ZC3H14: variants seen among roughly 807,000 people sequenced by gnomAD.
ZC3H14 encodes the protein zinc finger CCCH-type containing 14, also known as zinc finger CCCH domain-containing protein 14.
A neutral mutation model predicts 92.4 loss-of-function variants in ZC3H14; 31 were observed. The ratio of observed to expected loss-of-function variants is 0.34; its 90% CI spans 0.25 to 0.45. The LOEUF is 0.45. ZC3H14 is among the 20% of genes least tolerant of loss of function. ZC3H14 has a pLI of 1.00. For missense variants in ZC3H14, 781 were observed against 897.3 expected (o/e 0.87, Z 1.66); for synonymous variants, 321 against 300.9 (o/e 1.07, Z -0.69).
In ZC3H14 at chr14:88,616,844, C is replaced by T. The variant is rs1254365566; in HGVS notation, c.*5093C>T. 2 of 1,613,900 alleles carry T rather than the reference C, an allele frequency of 1.2e-6. No homozygotes were observed. Among genetic ancestry groups the T allele is most frequent in the Admixed American group, 1.7e-5 (1 of 60,022 alleles). On this transcript the variant is annotated 3_prime_UTR_variant, in exon 17 of 17. Coordinates refer to ENST00000251038, the MANE Select transcript of ZC3H14 (RefSeq NM_024824.5). ...GTTGACATCAGCTTTCTCAGCATGT[C>T]TGGACCAGATTCCCAAAACCTCATC...
Position 88,626,710 on chromosome 14 carries a change from G to T in ZC3H14, c.*14959G>T. 1 of 908,348 alleles carries T rather than the reference G, an allele frequency of 1.1e-6. No homozygotes were observed. Among genetic ancestry groups the T allele is most frequent in the Non-Finnish European group, 1.6e-6 (1 of 607,172 alleles). The allele number at this position is 908,348 out of a possible 1,614,324, so 56.3% of individuals were successfully genotyped here. A position where few individuals can be genotyped will look rare whatever the true frequency, so the allele number is the denominator to read the frequency against. The stretch of plus-strand genomic sequence containing the variant: ...TAGATTTTTGAAAGATGAAATATAT[G>T]CTTGACCAGGGCATGTAATGATTAG... On this transcript the variant is annotated 3_prime_UTR_variant, in exon 17 of 17. Coordinates refer to ENST00000251038, the MANE Select transcript of ZC3H14 (RefSeq NM_024824.5).
chr14:88,600,838 A>G (rs1377489972), intron 10 of ZC3H14, among the ~76,000 whole-genome samples: 2 of 152,064 alleles, frequency 1.3e-5, no homozygotes, highest in African/African-American at 4.8e-5. Context: ...CTTCCTTGGT[A>G]TGTACTGCTG....
intron 9 of ZC3H14, among the ~76,000 whole-genome samples, chr14:88,582,963 C>G (rs936990073): frequency 1.3e-5 from 2 of 151,924 alleles, no homozygotes; most frequent in African/African-American, 2.4e-5. Context: ...TTTTTACTAG[C>G]GCACCCACCT....
rs1237947751 is a variant in ZC3H14 at position 88,622,078 on chromosome 14, C to T, written c.*10327C>T. The T allele has an allele frequency of 3.9e-6, 1 of 257,702 alleles. No homozygotes were observed. Among genetic ancestry groups the T allele is most frequent in the African/African-American group, 2.2e-5 (1 of 45,400 alleles). The allele number at this position is 257,702 out of a possible 1,614,324, so 16.0% of individuals were successfully genotyped here. On this transcript the variant is annotated 3_prime_UTR_variant, in exon 17 of 17. Coordinates refer to ENST00000251038, the MANE Select transcript of ZC3H14 (RefSeq NM_024824.5). ...CAGTAACCACTATTCTACTCTCCAC[C>T]TCTGTGGGATCAACTTTTTTAGTTT... is the stretch of plus-strand genomic sequence containing the variant.
chr14:88,594,596 C>G (rs1191297446), intron 9 of ZC3H14: 1 of 1,557,094 alleles, frequency 6.4e-7, no homozygotes, highest in Non-Finnish European at 8.6e-7. Flanking sequence ...GCTCTTAATA[C>G]GTCTTAAGGT....
chr14:88,615,863 AGAG>A lies in ZC3H14; in HGVS notation c.*4113_*4115del. 1 of 1,610,116 alleles carries A rather than the reference AGAG, an allele frequency of 6.2e-7. No homozygotes were observed. Among genetic ancestry groups the A allele is most frequent in the East Asian group, 2.2e-5 (1 of 44,822 alleles). ...ATTTCCAGACAAATAAGCTGCAATC[AGAG>A]AAGAAAATTGCAGGGAGTTAATTAT... On this transcript the variant is annotated 3_prime_UTR_variant, in exon 17 of 17. Coordinates refer to ENST00000251038, the MANE Select transcript of ZC3H14 (RefSeq NM_024824.5).
In ZC3H14 at chr14:88,611,901, A is replaced by AATT; in HGVS notation, c.*151_*153dup. 9.1e-7 allele frequency: 1 copy of AATT among 1,093,086 alleles called. No individual in the cohort carries two copies. Among genetic ancestry groups the AATT allele is most frequent in the Non-Finnish European group, 1.3e-6 (1 of 755,218 alleles). The allele number at this position is 1,093,086 out of a possible 1,614,324, so 67.7% of individuals were successfully genotyped here. ...TATTGCCTATCTATCTGAAGTGTCT[A>AATT]ATTTTTCAAGTTTGTAAGTTTATTA... On this transcript the variant is annotated 3_prime_UTR_variant, in exon 17 of 17. Transcript: ENST00000251038.
Position 88,593,415 on chromosome 14 carries a change from A to G in ZC3H14, c.1280-3319A>G, listed in dbSNP as rs114288480. On this transcript the variant is annotated intron_variant, in intron 9 of 16. Coordinates refer to ENST00000251038, the MANE Select transcript of ZC3H14 (RefSeq NM_024824.5). Reference sequence around the variant, plus strand: ...ATATGGAAATAAAAAGGGACTGAGAATAGCCAAAACTATTGAAAAAGAGTA... The same window carrying G: ...ATATGGAAATAAAAAGGGACTGAGAGTAGCCAAAACTATTGAAAAAGAGTA... Among the ~76,000 whole-genome samples the G allele has an allele frequency of 7.4e-3, 1,123 of 152,356 alleles. 5 individuals carry two copies. The highest frequency in any genetic ancestry group is 0.026 in the African/African-American group (1,062 of 41,578).
intron 9 of ZC3H14, chr14:88,586,557 T>C (rs539235058): frequency 2.0e-5 from 3 of 152,368 alleles, no homozygotes; most frequent in Admixed American, 1.3e-4. Context: ...TAATTGTCTG[T>C]CGTTCCTTTG....
chr14:88,566,402 C>A (rs1380638307), intron 2 of ZC3H14, among the ~76,000 whole-genome samples: 1 of 152,040 alleles, frequency 6.6e-6, no homozygotes, highest in Non-Finnish European at 1.5e-5. Context: ...GTACTTACCA[C>A]CATTTGCTGG....
intron 10 of ZC3H14, among the ~76,000 whole-genome samples, chr14:88,597,579 T>C (rs2084016425): frequency 6.6e-6 from 1 of 152,090 alleles, no homozygotes; most frequent in Non-Finnish European, 1.5e-5. Context: ...GTGCTTTTCC[T>C]CCCTAAGGGT....
chr14:88,603,125 T>G, intron 12 of ZC3H14, 65 bp downstream of exon 12: 22 of 1,477,378 alleles, frequency 1.5e-5, no homozygotes, highest in Non-Finnish European at 2.1e-5. Flanking sequence ...CTTGTTTCTC[T>G]ACCTTGAATG....
At chr14:88,587,909 T>C (rs1220366990) in intron 9 of ZC3H14, among the ~76,000 whole-genome samples, 1 of 152,108 alleles carries the variant, frequency 6.6e-6, no homozygotes. Context: ...CCAGCCTGGG[T>C]GACAGACCAA....
intron 13 of ZC3H14, chr14:88,608,950 G>A (rs2086079085): frequency 2.9e-6 from 1 of 341,876 alleles, no homozygotes; most frequent in Non-Finnish European, 5.5e-6. Context: ...TAGAGGATGT[G>A]TTTATTGTAT....
At position 88,616,089 on chromosome 14, in the gene ZC3H14, G is replaced by A. The variant is rs2087564499; in HGVS notation, c.*4338G>A. 6.4e-7 allele frequency: 1 copy of A among 1,570,110 alleles called. No homozygotes were observed. Among genetic ancestry groups the A allele is most frequent in the African/African-American group, 1.3e-5 (1 of 74,126 alleles). On this transcript the variant is annotated 3_prime_UTR_variant, in exon 17 of 17. Transcript: ENST00000251038. ...AAAGCTGTAGGAGTTGTTGTATTAA[G>A]TCTCTTAACTAGTAACATAGTCTGC... is the stretch of plus-strand genomic sequence containing the variant.
At chr14:88,602,493 T>C (rs2084792755) in intron 11 of ZC3H14, among the ~76,000 whole-genome samples, 1 of 152,232 alleles carries the variant, frequency 6.6e-6, no homozygotes, top group Admixed American at 6.5e-5. Flanking sequence ...TAAATGCTGC[T>C]GGCCCTTGTG....
chr14:88,599,143 A>T (rs2084254409), intron 10 of ZC3H14, among the ~76,000 whole-genome samples: 1 of 152,204 alleles, frequency 6.6e-6, no homozygotes, highest in Non-Finnish European at 1.5e-5. Flanking sequence ...TGCTTCTTGG[A>T]CACATCTAAT....
chr14:88,568,928 C>G (rs1181559342), intron 3 of ZC3H14, among the ~76,000 whole-genome samples: 1 of 151,980 alleles, frequency 6.6e-6, no homozygotes, highest in East Asian at 1.9e-4. Context: ...TGTCACCAGG[C>G]TGGAGCACAG....
At chr14:88,590,742 C>T (rs753996185) in intron 9 of ZC3H14, 2 of 152,218 alleles carry the variant, frequency 1.3e-5, no homozygotes, top group South Asian at 2.1e-4. Context: ...CCCGTCTCAA[C>T]AGAGTCTGTC....
Sources: allele counts gnomAD v4.1 joint callset (sites outside exome capture counted in the v4.1 genomes callset), GRCh38; gene constraint gnomAD v4.1.1; transcripts MANE v1.5; gene names NCBI Gene and HGNC (gene_info 2026-07-23, HGNC 2026-07-21).